TENM2: variants seen among roughly 807,000 people sequenced by gnomAD.
The protein encoded by TENM2 is teneurin-2.
In TENM2, 52 loss-of-function variants were observed where a neutral mutation model predicts 245.2. That is an observed-to-expected ratio of 0.21 (90% CI 0.17 to 0.27). TENM2 has a LOEUF of 0.27. Ranked by LOEUF, TENM2 falls within the 10% of genes least tolerant of loss-of-function variation. The pLI is 1.00. For synonymous variants in TENM2, 1,363 were observed against 1,438.9 expected (o/e 0.95, Z 1.19); for missense variants, 3,046 against 3,666.8 (o/e 0.83, Z 4.37).
At chr5:167,447,116 G>A (rs1765273648) in intron 2 of TENM2, among the ~76,000 whole-genome samples, 1 of 152,108 alleles carries the variant, frequency 6.6e-6, no homozygotes, top group Non-Finnish European at 1.5e-5. Flanking sequence ...CTGAGTGTGT[G>A]GAATTTATAT....
the TENM2 span, among the ~76,000 whole-genome samples, chr5:167,250,685 G>A: frequency 1.1e-4 from 17 of 152,082 alleles, no homozygotes; most frequent in East Asian, 1.9e-4. Context: ...GCAATGTGGC[G>A]AATCCCTTCA....
intron 2 of TENM2, among the ~76,000 whole-genome samples, chr5:167,708,233 GGAGAGAGA>G (rs10646203): frequency 3.4e-5 from 5 of 148,994 alleles, no homozygotes; most frequent in Middle Eastern, 3.2e-3. Flanking sequence ...AGAAAGTGAT[GGAGAGAGA>G]GAGAGAGAGA....
intron 2 of TENM2, among the ~76,000 whole-genome samples, chr5:167,769,337 A>G (rs763134074): frequency 6.6e-5 from 10 of 152,158 alleles, no homozygotes; most frequent in Non-Finnish European, 1.5e-4. Flanking sequence ...CACTCTGGTC[A>G]TTTTATTTTT....
chr5:167,439,322 C>T lies in TENM2; in HGVS notation c.502+63849C>T, dbSNP rs116223929. On this transcript the variant is annotated intron_variant, in intron 2 of 28. Transcript: ENST00000518659. ...AGATGGTTTGCTCTGCAGAGATGCT[C>T]AACCTTTTTTGGCTTAGATACATGA... Among the ~76,000 whole-genome samples, 1,016 of 152,288 alleles carry T rather than the reference C, an allele frequency of 6.7e-3. 10 individuals carry two copies. Among genetic ancestry groups the T allele is most frequent in the African/African-American group, 0.022 (932 of 41,560 alleles).
At chr5:167,632,289 G>A (rs1561620015) in intron 2 of TENM2, among the ~76,000 whole-genome samples, 1 of 152,144 alleles carries the variant, frequency 6.6e-6, no homozygotes. Flanking sequence ...AAGCATCTTG[G>A]ATCCAAATAT....
exon 21 of TENM2, chr5:168,215,091 G>C: frequency 1.2e-6 from 2 of 1,613,804 alleles, no homozygotes; most frequent in Non-Finnish European, 1.7e-6. Flanking sequence ...TGTCCGGCTC[G>C]CTCTACGTGT....
At chr5:167,267,134 A>G in the TENM2 span, among the ~76,000 whole-genome samples, 1 of 152,208 alleles carries the variant, frequency 6.6e-6, no homozygotes, top group Non-Finnish European at 1.5e-5. Context: ...GGCATTTAAT[A>G]GAATCTGACT....
intron 4 of TENM2, among the ~76,000 whole-genome samples, chr5:167,984,759 T>G (rs1371746414): frequency 6.6e-6 from 1 of 152,248 alleles, no homozygotes; most frequent in East Asian, 1.9e-4. Context: ...CTAGTTTTGC[T>G]ACTCAAGTAG....
chr5:167,917,179 C>T (rs1298575784), intron 3 of TENM2, among the ~76,000 whole-genome samples: 1 of 152,188 alleles, frequency 6.6e-6, no homozygotes, highest in East Asian at 1.9e-4. Flanking sequence ...TCCTAGATTA[C>T]AATGTGGAAA....
At chr5:167,730,477 G>A (rs1760344321) in intron 2 of TENM2, among the ~76,000 whole-genome samples, 2 of 152,272 alleles carry the variant, frequency 1.3e-5, no homozygotes, top group South Asian at 2.1e-4. Context: ...ATAGTTGTAG[G>A]TGGTGGATCA....
chr5:167,072,993 G>C, the TENM2 span, among the ~76,000 whole-genome samples: 1 of 152,072 alleles, frequency 6.6e-6, no homozygotes, highest in Admixed American at 6.5e-5. Context: ...CTATAATTGT[G>C]GTAATGTATC....
Position 168,219,135 on chromosome 5 carries a change from A to G in TENM2, c.5108+136A>G, listed in dbSNP as rs1763452491. ...ACTTTAATGATGTCTTATGGCCTCA[A>G]GACATTCATGTCCCCTCTCCCTGAC... is the stretch of plus-strand genomic sequence containing the variant. On this transcript the variant is annotated intron_variant, in intron 23 of 28. Transcript: ENST00000518659. The G allele has an allele frequency of 9.6e-6, 8 of 832,208 alleles. No individual in the cohort carries two copies. In the South Asian group the frequency reaches 1.4e-4, roughly 15 times the overall value. 51.6% of individuals were successfully genotyped at this position (832,208 alleles called of 1,614,324 possible).
chr5:167,103,011 A>G, the TENM2 span, among the ~76,000 whole-genome samples: 6 of 152,222 alleles, frequency 3.9e-5, no homozygotes, highest in African/African-American at 1.4e-4. Flanking sequence ...AAGGCTCTTC[A>G]TTTTTCTTAG....
chr5:167,957,111 T>A (rs888515413), intron 4 of TENM2, among the ~76,000 whole-genome samples: 2 of 152,150 alleles, frequency 1.3e-5, no homozygotes, highest in African/African-American at 2.4e-5. Context: ...CTGGGCTTTT[T>A]TTTTTGTTGG....
chr5:168,226,073 T>G lies in TENM2; in HGVS notation c.5109-15T>G. 6.2e-7 allele frequency: 1 copy of G among 1,609,994 alleles called. No individual in the cohort carries two copies. Among genetic ancestry groups the G allele is most frequent in the Non-Finnish European group, 8.5e-7 (1 of 1,178,552 alleles). ...CTGCTAACCAGGGTTTATCTATCTATCTATCTCCCCCCAGCTATGACCACG... is the reference window on the plus strand; with the variant it reads ...CTGCTAACCAGGGTTTATCTATCTAGCTATCTCCCCCCAGCTATGACCACG... On this transcript the variant is annotated splice_polypyrimidine_tract_variant and intron_variant, in intron 23 of 28. Transcript: ENST00000518659.
chr5:167,369,267 G>T (rs1244408314), intron 1 of TENM2, among the ~76,000 whole-genome samples: 2 of 152,076 alleles, frequency 1.3e-5, no homozygotes, highest in African/African-American at 4.8e-5. Context: ...TAATGTCCAG[G>T]GGTTTTAGCT....
chr5:167,638,606 T>C (rs1206164308), intron 2 of TENM2, among the ~76,000 whole-genome samples: 1 of 152,210 alleles, frequency 6.6e-6, no homozygotes, highest in East Asian at 1.9e-4. Flanking sequence ...CTGATGTCAG[T>C]TGATCTATTA....
chr5:167,371,611 T>A lies in TENM2; in HGVS notation c.227-3587T>A, dbSNP rs371238523. 8.1e-4 allele frequency among the ~76,000 whole-genome samples: 124 copies of A among 152,250 alleles called. 2 individuals are homozygous for A. The South Asian group carries it at 0.025, about 31-fold the overall frequency. On this transcript the variant is annotated intron_variant, in intron 1 of 28. Transcript: ENST00000518659. ...CTTGACCTCAGGTGATCAGCCTGCCTCGGCCTCCCAAAGTGCTAGGATTAC... is the reference window on the plus strand; with the variant it reads ...CTTGACCTCAGGTGATCAGCCTGCCACGGCCTCCCAAAGTGCTAGGATTAC...
chr5:167,094,846 T>C, the TENM2 span, among the ~76,000 whole-genome samples: 2 of 152,216 alleles, frequency 1.3e-5, no homozygotes, highest in African/African-American at 4.8e-5. Context: ...AAAATGAATT[T>C]TTCTTGAAAT....
Sources: allele counts gnomAD v4.1 joint callset (sites outside exome capture counted in the v4.1 genomes callset), GRCh38; gene constraint gnomAD v4.1.1; transcripts MANE v1.5; gene names NCBI Gene and HGNC (gene_info 2026-07-23, HGNC 2026-07-21).